Variants in CFAP46 observed in about 807,000 individuals in gnomAD.
CFAP46 encodes the protein cilia- and flagella-associated protein 46.
CFAP46 carries 245 observed loss-of-function variants against 325.7 expected under a neutral mutation model. That is an observed-to-expected ratio of 0.75 (90% CI 0.68 to 0.84). The LOEUF is 0.84. Ranked by LOEUF, CFAP46 falls within the 40% of genes least tolerant of loss-of-function variation. The pLI is 0.00. For missense variants in CFAP46, 3,346 were observed against 3,543.0 expected (o/e 0.94, Z 1.41); for synonymous variants, 1,523 against 1,495.9 (o/e 1.02, Z -0.42).
chr10:132,861,694 G>T lies in CFAP46; in HGVS notation c.4891-712C>A, dbSNP rs182216446. 1.1e-3 allele frequency among the ~76,000 whole-genome samples: 167 copies of T among 152,326 alleles called. 2 individuals carry two copies. Among genetic ancestry groups the T allele is most frequent in the African/African-American group, 3.8e-3 (159 of 41,574 alleles). ...GTGAGGAGAGGACGGGAGCGGTGGC[G>T]GGAAAGCCGGTCCCAGCTGCAGGGC... On this transcript the variant is annotated intron_variant, in intron 35 of 57. Coordinates refer to ENST00000368586, the MANE Select transcript of CFAP46 (RefSeq NM_001200049.3).
Position 132,876,859 on chromosome 10 carries a change from G to A in CFAP46, c.4315C>T (p.Gln1439Ter), listed in dbSNP as rs983829990. 5.2e-6 allele frequency: 8 copies of A among 1,550,502 alleles called. No homozygotes were observed. The Admixed American group carries it at 1.6e-4, about 30-fold the overall frequency. ...CPEEVLSVLK[Q>*]DRSDSTVNPS... The stretch of plus-strand genomic sequence containing the variant: ...TTCACAGTAGAGTCACTTCTGTCCT[G>A]TTTCAGTACAGACAGCACTTCCTCG... Residue 1439 changes from glutamine (Q) to a stop codon, truncating the protein, a stop_gained, in exon 31 of 58, where the codon CAG (glutamine) becomes TAG (stop). Transcript: ENST00000368586. LOFTEE classifies it high-confidence loss of function. The surrounding 1 kb of genome is among the most constrained non-coding windows in gnomAD (Gnocchi z 4.1).
intron 38 of CFAP46, 26 bp downstream of exon 38, chr10:132,859,045 T>C (rs1848687834): frequency 6.5e-7 from 1 of 1,543,128 alleles, no homozygotes; most frequent in East Asian, 2.4e-5. Context: ...GTGACTCCCG[T>C]GCAGGGGTCG....
chr10:132,814,969 C>T (rs1847665167), intron 50 of CFAP46, 55 bp from the exon 51 acceptor site: 3 of 1,494,422 alleles, frequency 2.0e-6, no homozygotes, highest in South Asian at 2.3e-5. Context: ...AGGCAGCCCT[C>T]CGGCCACACG....
intron 44 of CFAP46, among the ~76,000 whole-genome samples, chr10:132,838,186 C>T (rs1001685550): frequency 6.6e-6 from 1 of 152,240 alleles, no homozygotes; most frequent in East Asian, 1.9e-4. Flanking sequence ...AGGCTCCTCA[C>T]CACCAGCGGC....
chr10:132,898,248 G>C (rs1220747196), intron 24 of CFAP46, among the ~76,000 whole-genome samples: 1 of 152,186 alleles, frequency 6.6e-6, no homozygotes, highest in African/African-American at 2.4e-5. Flanking sequence ...ACAGACCTGT[G>C]AGCCAGGAGC....
At chr10:132,816,771 T>C (rs910902118) in intron 50 of CFAP46, among the ~76,000 whole-genome samples, 1 of 152,210 alleles carries the variant, frequency 6.6e-6, no homozygotes, top group Non-Finnish European at 1.5e-5. Context: ...TCCATGATCA[T>C]TTCATGTCTT....
intron 46 of CFAP46, 64 bp from the exon 47 acceptor site, chr10:132,835,498 A>T: frequency 1.3e-6 from 2 of 1,595,844 alleles, no homozygotes; most frequent in Non-Finnish European, 1.7e-6. Context: ...TGGACCGTGC[A>T]TGGTGAGCAC....
intron 24 of CFAP46, among the ~76,000 whole-genome samples, chr10:132,893,035 GTAATGAGTAGCTTCCCGA>G (rs1849275377): frequency 6.6e-6 from 1 of 152,198 alleles, no homozygotes; most frequent in African/African-American, 2.4e-5. Context: ...CCTAAAACTG[GTAATGAGTAGCTTCCCGA>G]TAAGATCTCA....
chr10:132,892,105 C>T (rs1591076478), intron 25 of CFAP46, among the ~76,000 whole-genome samples: 3 of 152,186 alleles, frequency 2.0e-5, no homozygotes. Flanking sequence ...GTCAGAAGGT[C>T]CCGGCTCTGG....
rs755359226 is a variant in CFAP46, at chr10:132,846,918, G to A, written c.6267+14C>T. ...TGAAGGGCCTGGCTGGAGGTGGGCA[G>A]GGCAGAGACACACCTGAGACAGAGC... is the stretch of plus-strand genomic sequence containing the variant. On this transcript the variant is annotated intron_variant, in intron 43 of 57. Coordinates refer to ENST00000368586, the MANE Select transcript of CFAP46 (RefSeq NM_001200049.3). 2.5e-6 allele frequency: 4 copies of A among 1,602,748 alleles called. No homozygotes were observed. The East Asian group carries it at 6.7e-5, about 27-fold the overall frequency.
intron 10 of CFAP46, 97 bp downstream of exon 10, chr10:132,926,471 C>A: frequency 1.1e-6 from 1 of 892,474 alleles, no homozygotes; most frequent in Non-Finnish European, 1.8e-6. Flanking sequence ...CAGGCCATGT[C>A]CCCAGCACCC....
At chr10:132,903,183 G>A (rs1216188828) in intron 22 of CFAP46, among the ~76,000 whole-genome samples, 1 of 152,030 alleles carries the variant, frequency 6.6e-6, no homozygotes, top group East Asian at 1.9e-4. Context: ...AGTGAGTTAC[G>A]CCCCAATGTG....
At chr10:132,862,489 C>T (rs965158078) in intron 35 of CFAP46, among the ~76,000 whole-genome samples, 3 of 151,376 alleles carry the variant, frequency 2.0e-5, no homozygotes, top group African/African-American at 4.9e-5. Flanking sequence ...TTTCCAGTGC[C>T]GACACTGAGT....
At chr10:132,917,598 C>T (rs1849660579) in intron 16 of CFAP46, among the ~76,000 whole-genome samples, 1 of 152,216 alleles carries the variant, frequency 6.6e-6, no homozygotes, top group Non-Finnish European at 1.5e-5. Context: ...CGTGTGTCAT[C>T]CACACAACTG....
intron 38 of CFAP46, among the ~76,000 whole-genome samples, chr10:132,858,502 G>T (rs1170622213): frequency 4.6e-5 from 7 of 152,196 alleles, no homozygotes; most frequent in Admixed American, 2.0e-4. Context: ...TGCCAGGGTG[G>T]GAGTGGCTGG....
chr10:132,935,423 T>C (rs1290274197), intron 7 of CFAP46, among the ~76,000 whole-genome samples: 524 of 58,094 alleles, frequency 9.0e-3, no homozygotes, highest in African/African-American at 0.016. Context: ...ACTGAGATCT[T>C]CTCATTCCCC....
At chr10:132,888,262 C>A (rs1428802362) in intron 25 of CFAP46, among the ~76,000 whole-genome samples, 3 of 151,656 alleles carry the variant, frequency 2.0e-5, no homozygotes, top group Admixed American at 2.0e-4. Context: ...CCACACCCTG[C>A]CACCCCTCAC....
At chr10:132,897,877 G>A (rs531771924) in intron 24 of CFAP46, among the ~76,000 whole-genome samples, 10 of 152,328 alleles carry the variant, frequency 6.6e-5, no homozygotes, top group East Asian at 5.8e-4. Flanking sequence ...CAGAGGCCCC[G>A]ACACAGCCTT....
At chr10:132,811,232 C>A (rs377415870) in intron 55 of CFAP46, among the ~76,000 whole-genome samples, 1 of 152,218 alleles carries the variant, frequency 6.6e-6, no homozygotes, top group African/African-American at 2.4e-5. Context: ...CCTCAGGAGC[C>A]CAGACCCCTT....
Sources: gnomAD v4.1 joint callset for allele counts (sites outside exome capture counted in the v4.1 genomes callset) on GRCh38, gnomAD v4.1.1 for gene constraint, Gnocchi (gnomAD v3.1) non-coding constraint, MANE v1.5 for transcripts, NCBI Gene and HGNC (gene_info 2026-07-23, HGNC 2026-07-21) for gene names.